The following FERMT3 variants were observed in gnomAD, a reference collection of about 807,000 sequenced individuals.
FERMT3 encodes the protein fermitin family homolog 3.
Under a neutral mutation model 80.8 loss-of-function variants are expected in FERMT3, and 33 were observed. That is an observed-to-expected ratio of 0.41 (90% CI 0.31 to 0.55). The LOEUF (loss-of-function observed/expected upper bound fraction) is 0.55. Among genes scored for constraint, FERMT3 ranks in the 20% least tolerant of loss-of-function variants. The pLI, the probability that FERMT3 is intolerant of heterozygous loss-of-function variation, is 0.31. For synonymous variants in FERMT3, 375 were observed against 372.2 expected (o/e 1.01, Z -0.09); for missense variants, 754 against 908.7 (o/e 0.83, Z 2.19).
chr11:64,220,850 TCCACCTTGCAGCCTGGCGCAGTGCA>T, intron 12 of FERMT3, 141 bp from the exon 13 acceptor site: 4 of 1,383,138 alleles, frequency 2.9e-6, no homozygotes, highest in Admixed American at 1.8e-5. Flanking sequence ...GGTGCCCATG[TCCACCTTGCAGCCTGGCGCAGTGCA>T]GATCTGCACC....
At chr11:64,217,788 C>T (rs887931954) in intron 6 of FERMT3, among the ~76,000 whole-genome samples, 1 of 152,154 alleles carries the variant, frequency 6.6e-6, no homozygotes, top group Non-Finnish European at 1.5e-5. Context: ...TCCAGAGGAT[C>T]CCCATCAGAG....
rs1381103628 is a variant in FERMT3 at position 64,219,798 on chromosome 11, G to A, written c.1079+9G>A. On this transcript the variant is annotated intron_variant, in intron 9 of 14. Coordinates refer to ENST00000345728, the MANE Select transcript of FERMT3 (RefSeq NM_031471.6). This position sits in a 1 kb window ranked among gnomAD's most constrained non-coding sequence, Gnocchi z 4.0. The stretch of plus-strand genomic sequence containing the variant: ...CATCTCCGAATCTTTCGGTGAGTTG[G>A]GGGCCAGAGTAGGCAGCCCTGCTGG... 1 of 1,614,106 alleles carries A rather than the reference G, an allele frequency of 6.2e-7. No homozygotes were observed. Among genetic ancestry groups the A allele is most frequent in the Non-Finnish European group, 8.5e-7 (1 of 1,180,024 alleles).
rs1946404155 is a variant in FERMT3, at chr11:64,210,171, C to T, written c.161-440C>T. Among the ~76,000 whole-genome samples the T allele has an allele frequency of 6.6e-6, 1 of 152,192 alleles. No homozygotes were observed. The highest frequency in any genetic ancestry group is 1.5e-5 in the Non-Finnish European group (1 of 68,036). On this transcript the variant is annotated intron_variant, in intron 2 of 14. Coordinates refer to ENST00000345728, the MANE Select transcript of FERMT3 (RefSeq NM_031471.6). This position sits in a 1 kb window ranked among gnomAD's most constrained non-coding sequence, Gnocchi z 4.3. ...ATATTGAGTGCTCACTGCTCCAGGCCAGGCACAGGTCCAGGCCCTGAGGAC... is the reference window on the plus strand; with the variant it reads ...ATATTGAGTGCTCACTGCTCCAGGCTAGGCACAGGTCCAGGCCCTGAGGAC...
At position 64,206,820 on chromosome 11, in the gene FERMT3, C is replaced by T. The variant is rs1946319667; in HGVS notation, c.-15+6C>T. 1 of 155,552 alleles carries T rather than the reference C, an allele frequency of 6.4e-6. No homozygotes were observed. The allele number at this position is 155,552 out of a possible 1,614,324, so 9.6% of individuals were successfully genotyped here. A position where few individuals can be genotyped will look rare whatever the true frequency, so the allele number is the denominator to read the frequency against. On this transcript the variant is annotated splice_donor_region_variant and intron_variant, in intron 1 of 14. Coordinates refer to ENST00000345728, the MANE Select transcript of FERMT3 (RefSeq NM_031471.6). ...CCCAGCCCTTGCCAGGAAAGGTAAGCTCAGGCCTCACTGGGACCCTGGGCC... is the reference window on the plus strand; with the variant it reads ...CCCAGCCCTTGCCAGGAAAGGTAAGTTCAGGCCTCACTGGGACCCTGGGCC...
chr11:64,220,361 A>C (rs1333644232), intron 11 of FERMT3, 35 bp downstream of exon 11: 1 of 1,608,826 alleles, frequency 6.2e-7, no homozygotes, highest in East Asian at 2.2e-5. Context: ...AGGGCCGGGC[A>C]GGAGCTGGGG....
intron 6 of FERMT3, among the ~76,000 whole-genome samples, chr11:64,216,142 A>T (rs1048198289): frequency 2.7e-5 from 4 of 150,062 alleles, no homozygotes; most frequent in Admixed American, 6.6e-5. Context: ...ACATTCCTTT[A>T]AAAAAAGAAT....
chr11:64,210,525 C>T lies in FERMT3; in HGVS notation c.161-86C>T. 1.4e-6 allele frequency: 2 copies of T among 1,413,758 alleles called. No homozygotes were observed. The highest frequency in any genetic ancestry group is 2.0e-6 in the Non-Finnish European group (2 of 1,006,364). 87.6% of individuals were successfully genotyped at this position (1,413,758 alleles called of 1,614,324 possible). A position where few individuals can be genotyped will look rare whatever the true frequency, so the allele number is the denominator to read the frequency against. On this transcript the variant is annotated intron_variant, in intron 2 of 14. Coordinates refer to ENST00000345728, the MANE Select transcript of FERMT3 (RefSeq NM_031471.6). The surrounding 1 kb of genome is among the most constrained non-coding windows in gnomAD (Gnocchi z 4.3). ...TAGGCAGGGCAGGGGAGTGGTCGCC[C>T]CAGGCTTCTGAATCCTGGGGTTGTG... is the stretch of plus-strand genomic sequence containing the variant.
At chr11:64,216,669 G>A (rs1282824884) in intron 6 of FERMT3, among the ~76,000 whole-genome samples, 5 of 150,912 alleles carry the variant, frequency 3.3e-5, no homozygotes, top group Non-Finnish European at 5.9e-5. Context: ...GGTGGTGGGC[G>A]CCTGTAGTCC....
chr11:64,211,830 A>G lies in FERMT3; in HGVS notation c.786+83A>G. Reference sequence around the variant, plus strand: ...CCTGGGGTATGGGCTCTGGGATGTTAGTGACTTGTAGTGGCCTGTCCGTCT... The same window carrying G: ...CCTGGGGTATGGGCTCTGGGATGTTGGTGACTTGTAGTGGCCTGTCCGTCT... On this transcript the variant is annotated intron_variant, in intron 6 of 14. Coordinates refer to ENST00000345728, the MANE Select transcript of FERMT3 (RefSeq NM_031471.6). This position sits in a 1 kb window ranked among gnomAD's most constrained non-coding sequence, Gnocchi z 4.7. 3 of 1,286,746 alleles carry G rather than the reference A, an allele frequency of 2.3e-6. No homozygotes were observed. The highest frequency in any genetic ancestry group is 3.4e-6 in the Non-Finnish European group (3 of 888,078). 79.7% of individuals were successfully genotyped at this position (1,286,746 alleles called of 1,614,324 possible).
chr11:64,211,325 G>T lies in FERMT3; in HGVS notation c.565G>T (p.Ala189Ser). ...GATGCCAGCTCACTTCTCGGACAGC[G>T]CCCAGACTGAGGCCTGCTACCACAT... ...RGMPAHFSDS[A>S]QTEACYHMLS... Residue 189 changes from alanine to serine, a missense_variant, in exon 5 of 15, where the codon GCC becomes TCC. By Grantham distance (99) the Ala-to-Ser change is moderately conservative. Coordinates refer to ENST00000345728, the MANE Select transcript of FERMT3 (RefSeq NM_031471.6). The surrounding 1 kb of genome is among the most constrained non-coding windows in gnomAD (Gnocchi z 4.7). 6.2e-7 allele frequency: 1 copy of T among 1,613,138 alleles called. No individual in the cohort carries two copies. The highest frequency in any genetic ancestry group is 1.3e-5 in the African/African-American group (1 of 74,966).
At chr11:64,220,182 C>T in intron 10 of FERMT3, 38 bp from the exon 11 acceptor site, 1 of 1,604,200 alleles carries the variant, frequency 6.2e-7, no homozygotes, top group South Asian at 1.1e-5. Context: ...CGGCTCTTCC[C>T]CTCCCGACCT....
chr11:64,211,179 C>T lies in FERMT3; in HGVS notation c.514+8C>T. On this transcript the variant is annotated splice_region_variant and intron_variant, in intron 4 of 14. Transcript: ENST00000345728. This position sits in a 1 kb window ranked among gnomAD's most constrained non-coding sequence, Gnocchi z 4.7. ...AGGTTGTCTTGGCTGGGGGTGAGTG[C>T]AAGTGGGGGTGGGCCTGGGGGGTTG... 8.1e-7 allele frequency: 1 copy of T among 1,231,306 alleles called. No individual in the cohort carries two copies. The highest frequency in any genetic ancestry group is 1.1e-6 in the Non-Finnish European group (1 of 951,590). 76.3% of individuals were successfully genotyped at this position (1,231,306 alleles called of 1,614,324 possible). A position where few individuals can be genotyped will look rare whatever the true frequency, so the allele number is the denominator to read the frequency against.
rs570664572 is a variant in FERMT3, at chr11:64,223,778, A to T, written c.*286A>T. On this transcript the variant is annotated 3_prime_UTR_variant, in exon 15 of 15. Transcript: ENST00000345728. ...TGACCTATCTGCAGTCCCCCAGCAC[A>T]CAAGGAAGACCAGATGTAGCTACAG... 3.3e-5 allele frequency: 31 copies of T among 939,502 alleles called. 1 individual carries two copies. In the South Asian group the frequency reaches 5.0e-4, roughly 15 times the overall value. The allele number at this position is 939,502 out of a possible 1,614,324, so 58.2% of individuals were successfully genotyped here. A position where few individuals can be genotyped will look rare whatever the true frequency, so the allele number is the denominator to read the frequency against.
intron 6 of FERMT3, among the ~76,000 whole-genome samples, chr11:64,218,492 A>G (rs1488830209): frequency 1.3e-5 from 2 of 151,670 alleles, no homozygotes; most frequent in Non-Finnish European, 2.9e-5. Context: ...TTTAGTAGAG[A>G]TAGGGTTTCA....
chr11:64,212,874 G>A (rs1347352630), intron 6 of FERMT3, among the ~76,000 whole-genome samples: 2 of 151,656 alleles, frequency 1.3e-5, no homozygotes, highest in African/African-American at 4.8e-5. Flanking sequence ...TCTCTCCTAA[G>A]CTTTATTTAT....
At position 64,211,758 on chromosome 11, in the gene FERMT3, G is replaced by T; in HGVS notation, c.786+11G>T. The T allele has an allele frequency of 6.2e-7, 1 of 1,613,912 alleles. No individual in the cohort carries two copies. Among genetic ancestry groups the T allele is most frequent in the Non-Finnish European group, 8.5e-7 (1 of 1,179,828 alleles). Reference sequence around the variant, plus strand: ...GATTTGGATCCCAAGGTGGGTCGGGGCAGGGAGAAAGCGGGCCTCAGGTCC... The same window carrying T: ...GATTTGGATCCCAAGGTGGGTCGGGTCAGGGAGAAAGCGGGCCTCAGGTCC... On this transcript the variant is annotated intron_variant, in intron 6 of 14. Transcript: ENST00000345728. This position sits in a 1 kb window ranked among gnomAD's most constrained non-coding sequence, Gnocchi z 4.7.
chr11:64,222,654 T>A (rs1946731997), intron 13 of FERMT3, among the ~76,000 whole-genome samples: 1 of 151,706 alleles, frequency 6.6e-6, no homozygotes, highest in African/African-American at 2.4e-5. Context: ...GTTCACTGTC[T>A]GGGCCTGGGT....
chr11:64,219,138 T>A lies in FERMT3; in HGVS notation c.787-113T>A, dbSNP rs1043279660. 1 of 999,746 alleles carries A rather than the reference T, an allele frequency of 1.0e-6. No homozygotes were observed. Among genetic ancestry groups the A allele is most frequent in the Non-Finnish European group, 1.5e-6 (1 of 660,324 alleles). The allele number at this position is 999,746 out of a possible 1,614,324, so 61.9% of individuals were successfully genotyped here. A position where few individuals can be genotyped will look rare whatever the true frequency, so the allele number is the denominator to read the frequency against. On this transcript the variant is annotated intron_variant, in intron 6 of 14. Transcript: ENST00000345728. The surrounding 1 kb of genome is among the most constrained non-coding windows in gnomAD (Gnocchi z 4.0). ...TGTCTGGCCACTGAATGAATCTGCCTCAGCAAGGAGGGCAGGGCAGAGGGC... is the reference window on the plus strand; with the variant it reads ...TGTCTGGCCACTGAATGAATCTGCCACAGCAAGGAGGGCAGGGCAGAGGGC...
At chr11:64,220,191 C>G (rs755575500) in intron 10 of FERMT3, 29 bp from the exon 11 acceptor site, 6 of 1,608,808 alleles carry the variant, frequency 3.7e-6, no homozygotes, top group Non-Finnish European at 5.1e-6. Flanking sequence ...CCCTCCCGAC[C>G]TCCTAGACCA....
Sources: gnomAD v4.1 joint callset for allele counts (sites outside exome capture counted in the v4.1 genomes callset) on GRCh38, gnomAD v4.1.1 for gene constraint, Gnocchi (gnomAD v3.1) non-coding constraint, MANE v1.5 for transcripts, NCBI Gene and HGNC (gene_info 2026-07-23, HGNC 2026-07-21) for gene names.